Variants in LPIN2 observed in about 807,000 individuals in gnomAD.
LPIN2 encodes phosphatidate phosphatase LPIN2.
LPIN2 carries 55 observed loss-of-function variants against 111.4 expected under a neutral mutation model. The observed-to-expected ratio is 0.49, with a 90% CI of 0.40 to 0.62. The LOEUF (loss-of-function observed/expected upper bound fraction) is 0.62, where lower values mean the gene tolerates loss of function less well. Ranked by LOEUF, LPIN2 falls within the 20% of genes least tolerant of loss-of-function variation. The probability of loss-of-function intolerance (pLI) is 0.00; values close to 1 mark genes in which losing one functional copy is unlikely to be tolerated. For synonymous variants in LPIN2, 425 were observed against 414.0 expected, an observed-to-expected ratio of 1.03 and a Z score of -0.32; for missense variants, 992 against 1,112.1, an observed-to-expected ratio of 0.89 and a Z score of 1.54.
intron 1 of LPIN2, among the ~76,000 whole-genome samples, chr18:3,006,216 G>T (rs1006958709): frequency 6.6e-6 from 1 of 152,122 alleles, no homozygotes; most frequent in African/African-American, 2.4e-5. Context: ...ACACCTCCTC[G>T]AAATACCTAG....
rs1197624013 is a variant in LPIN2, at chr18:2,918,380, T to G, written c.*1913A>C. On this transcript the variant is annotated 3_prime_UTR_variant, in exon 20 of 20. Transcript: ENST00000677752. ...TATGCAAAGAAGTCCTACTATAAGC[T>G]CAGTTAAACACACAAAGCTCTCATT... 1 of 152,166 alleles carries G rather than the reference T, an allele frequency of 6.6e-6. No homozygotes were observed. Among genetic ancestry groups the G allele is most frequent in the East Asian group, 1.9e-4 (1 of 5,188 alleles). The allele number at this position is 152,166 out of a possible 1,614,324, so 9.4% of individuals were successfully genotyped here. A position where few individuals can be genotyped will look rare whatever the true frequency, so the allele number is the denominator to read the frequency against.
chr18:2,968,379 T>A (rs1255819557), intron 1 of LPIN2, among the ~76,000 whole-genome samples: 1 of 152,216 alleles, frequency 6.6e-6, no homozygotes, highest in Admixed American at 6.5e-5. Flanking sequence ...AGTTCAGTTT[T>A]CACACAGTCA....
At chr18:2,997,290 G>C (rs2078360349) in intron 1 of LPIN2, among the ~76,000 whole-genome samples, 1 of 151,722 alleles carries the variant, frequency 6.6e-6, no homozygotes, top group South Asian at 2.1e-4. Flanking sequence ...ACTCATTTTT[G>C]TTTTTTGTTT....
intron 18 of LPIN2, 77 bp downstream of exon 18, chr18:2,921,456 G>A (rs572064619): frequency 5.5e-5 from 58 of 1,061,784 alleles, no homozygotes; most frequent in Non-Finnish European, 8.4e-5. Flanking sequence ...TTGAGAATTG[G>A]GACGTGGCTA....
At chr18:2,926,586 G>T in intron 13 of LPIN2, 137 bp downstream of exon 13, 1 of 727,054 alleles carries the variant, frequency 1.4e-6, no homozygotes, top group Non-Finnish European at 2.4e-6. Flanking sequence ...CTGCTGAGTG[G>T]CACAAATATA....
intron 1 of LPIN2, among the ~76,000 whole-genome samples, chr18:2,990,289 CA>C (rs561203540): frequency 8.9e-4 from 136 of 152,086 alleles, no homozygotes; most frequent in African/African-American, 2.9e-3. Context: ...GCATGAGTAA[CA>C]AAAACTAGAT....
chr18:2,974,220 G>A (rs2077970162), intron 1 of LPIN2, among the ~76,000 whole-genome samples: 1 of 152,148 alleles, frequency 6.6e-6, no homozygotes, highest in African/African-American at 2.4e-5. Flanking sequence ...GGGATTACGG[G>A]CGCCTGCCAC....
At chr18:2,941,872 G>A (rs528255523) in intron 4 of LPIN2, among the ~76,000 whole-genome samples, 7 of 152,238 alleles carry the variant, frequency 4.6e-5, no homozygotes, top group African/African-American at 1.4e-4. Context: ...TGCAGTGAGC[G>A]GAGATCGCAC....
chr18:2,922,072 T>G lies in LPIN2; in HGVS notation c.2302A>C (p.Ser768Arg). 1 of 1,613,708 alleles carries G rather than the reference T, an allele frequency of 6.2e-7. No homozygotes were observed. The highest frequency in any genetic ancestry group is 8.5e-7 in the Non-Finnish European group (1 of 1,179,896). ...LPRGPLMLSP[S>R]SLFSAFHREV... ...CTGTGGAAGGCGGAGAACAAGCTGC[T>G]GGGGGACAGCATCAGGGGGCCCCGG... The change falls in exon 17 of 20, where the codon AGC (serine) becomes CGC (arginine). Residue 768 changes from serine (S) to arginine (R), a missense_variant. Around this residue, in one of 4 missense-constraint regions of LPIN2, gnomAD observed 185 missense variants for 186.5 expected, o/e 0.99. Coordinates refer to ENST00000677752, the MANE Select transcript of LPIN2 (RefSeq NM_001375808.2).
chr18:2,974,082 A>AGTT (rs200856530), intron 1 of LPIN2, among the ~76,000 whole-genome samples: 2 of 151,976 alleles, frequency 1.3e-5, no homozygotes, highest in East Asian at 1.9e-4. Flanking sequence ...GGTATTGTTT[A>AGTT]GTTGTTGTTG....
At chr18:3,010,701 C>T (rs1056935217) in intron 1 of LPIN2, among the ~76,000 whole-genome samples, 1 of 152,148 alleles carries the variant, frequency 6.6e-6, no homozygotes, top group Non-Finnish European at 1.5e-5. Context: ...TAAGCACCTA[C>T]GGGAGATAAC....
At chr18:2,998,372 G>GA (rs1400106763) in intron 1 of LPIN2, among the ~76,000 whole-genome samples, 1 of 152,216 alleles carries the variant, frequency 6.6e-6, no homozygotes, top group Non-Finnish European at 1.5e-5. Context: ...GCAAGTCAGC[G>GA]AAACAGCACT....
intron 16 of LPIN2, among the ~76,000 whole-genome samples, chr18:2,923,240 A>T (rs2077081488): frequency 6.6e-6 from 1 of 151,984 alleles, no homozygotes; most frequent in Non-Finnish European, 1.5e-5. Context: ...GACCAACATG[A>T]TGAAACCCCA....
intron 4 of LPIN2, among the ~76,000 whole-genome samples, chr18:2,941,008 T>C (rs2077360406): frequency 6.6e-6 from 1 of 152,188 alleles, no homozygotes; most frequent in African/African-American, 2.4e-5. Flanking sequence ...AGGCTTTATG[T>C]CTATTTCATT....
chr18:3,001,654 G>A (rs2078437100), intron 1 of LPIN2, among the ~76,000 whole-genome samples: 1 of 152,066 alleles, frequency 6.6e-6, no homozygotes, highest in African/African-American at 2.4e-5. Flanking sequence ...ATACAAGCAT[G>A]GAATCAAATC....
rs745315216 is a variant in LPIN2, at chr18:2,972,644, CAT to C, written c.-9-11797_-9-11796del. On this transcript the variant is annotated intron_variant, in intron 1 of 19. Coordinates refer to ENST00000677752, the MANE Select transcript of LPIN2 (RefSeq NM_001375808.2). The stretch of plus-strand genomic sequence containing the variant: ...ATTTTATCGTTAAATTTCAAAATAA[CAT>C]GTGTGGCTTAAGGAGATCCTAAAAC... Among the ~76,000 whole-genome samples the C allele has an allele frequency of 6.6e-5, 10 of 152,172 alleles. No individual in the cohort carries two copies. In the East Asian group the frequency reaches 7.7e-4, roughly 12 times the overall value.
intron 1 of LPIN2, chr18:2,982,951 G>A: frequency 5.7e-6 from 2 of 348,056 alleles, no homozygotes; most frequent in Non-Finnish European, 1.1e-5. Context: ...AATGAGATTT[G>A]CTCAAAATAC....
At chr18:2,968,755 C>T (rs1170186152) in intron 1 of LPIN2, among the ~76,000 whole-genome samples, 4 of 152,150 alleles carry the variant, frequency 2.6e-5, no homozygotes, top group African/African-American at 4.8e-5. Context: ...AGTGAGATGC[C>T]ACAAGGCCTT....
chr18:2,948,057 AAAC>A (rs1308820052), intron 4 of LPIN2, among the ~76,000 whole-genome samples: 9 of 151,888 alleles, frequency 5.9e-5, no homozygotes, highest in African/African-American at 2.2e-4. Flanking sequence ...TTATTTCAGA[AAAC>A]AACCTGAATT....
Sources: gnomAD v4.1 joint callset for allele counts (sites outside exome capture counted in the v4.1 genomes callset) on GRCh38, gnomAD v4.1.1 for gene constraint, gnomAD v4.1.1 regional missense constraint, MANE v1.5 for transcripts, NCBI Gene and HGNC (gene_info 2026-07-23, HGNC 2026-07-21) for gene names.